The following ZNF385D variants were observed in gnomAD, a reference collection of about 807,000 sequenced individuals.
ZNF385D encodes zinc finger protein 385D, also known as zinc finger protein 659.
In ZNF385D, 15 loss-of-function variants were observed where a neutral mutation model predicts 35.8. The observed-to-expected ratio is 0.42, with a 90% CI of 0.28 to 0.64. ZNF385D has a LOEUF of 0.64. Among genes scored for constraint, ZNF385D ranks in the 30% least tolerant of loss-of-function variants. ZNF385D has a pLI of 0.23. For missense variants in ZNF385D, 474 were observed against 494.6 expected, an observed-to-expected ratio of 0.96 and a Z score of 0.39; for synonymous variants, 212 against 186.8, an observed-to-expected ratio of 1.13 and a Z score of -1.10.
At chr3:22,189,729 G>A (rs1322659892) in intron 2 of ZNF385D, among the ~76,000 whole-genome samples, 1 of 152,072 alleles carries the variant, frequency 6.6e-6, no homozygotes, top group African/African-American at 2.4e-5. Flanking sequence ...TGCCTTGTAT[G>A]TTAGGTGATA....
chr3:22,128,017 C>A (rs1703540877), intron 3 of ZNF385D, among the ~76,000 whole-genome samples: 1 of 152,126 alleles, frequency 6.6e-6, no homozygotes, highest in Admixed American at 6.6e-5. Flanking sequence ...TCATTACATC[C>A]TTTTCTTTTA....
At chr3:21,625,966 G>A (rs2065124005) in intron 2 of ZNF385D, among the ~76,000 whole-genome samples, 1 of 151,884 alleles carries the variant, frequency 6.6e-6, no homozygotes, top group Non-Finnish European at 1.5e-5. Context: ...TTTTGGTTAG[G>A]TACTCTTCAC....
At chr3:21,653,496 C>T (rs1382612642) in intron 2 of ZNF385D, among the ~76,000 whole-genome samples, 1 of 152,008 alleles carries the variant, frequency 6.6e-6, no homozygotes, top group Non-Finnish European at 1.5e-5. Context: ...TGTGCATAAA[C>T]ATATGTATAC....
intron 3 of ZNF385D, among the ~76,000 whole-genome samples, chr3:21,798,598 G>C (rs1009592609): frequency 6.6e-6 from 1 of 152,082 alleles, no homozygotes; most frequent in African/African-American, 2.4e-5. Context: ...GATTAACTCA[G>C]CGTCAACTAA....
rs146397776 is a variant in ZNF385D at position 22,132,304 on chromosome 3, C to T, written c.325+36513G>A. On this transcript the variant is annotated intron_variant, in intron 3 of 5. Coordinates refer to the ZNF385D transcript ENST00000494108. ...CACATGAAACAGTGCCATCTATGAA[C>T]TAAGAAACGGACATTCATCAGATAC... Among the ~76,000 whole-genome samples the T allele has an allele frequency of 2.2e-4, 33 of 152,272 alleles. 1 individual carries two copies. The East Asian group carries it at 6.0e-3, about 28-fold the overall frequency.
chr3:22,131,110 A>C (rs763939586), intron 3 of ZNF385D, among the ~76,000 whole-genome samples: 4 of 152,192 alleles, frequency 2.6e-5, no homozygotes, highest in Non-Finnish European at 5.9e-5. Flanking sequence ...GTTTGGATAA[A>C]ATGTATAAGA....
intron 3 of ZNF385D, among the ~76,000 whole-genome samples, chr3:22,028,467 C>T (rs906512086): frequency 9.2e-5 from 14 of 152,158 alleles, no homozygotes; most frequent in Admixed American, 6.5e-4. Flanking sequence ...CAGCAGAGAC[C>T]AACACTGAGC....
At chr3:21,466,754 C>G (rs546653669) in intron 4 of ZNF385D, among the ~76,000 whole-genome samples, 1 of 152,256 alleles carries the variant, frequency 6.6e-6, no homozygotes, top group South Asian at 2.1e-4. Context: ...TGATCTCACC[C>G]CACTACACGC....
chr3:21,702,939 G>T (rs971332490), intron 1 of ZNF385D, among the ~76,000 whole-genome samples: 7 of 152,106 alleles, frequency 4.6e-5, no homozygotes, highest in Non-Finnish European at 8.8e-5. Flanking sequence ...CAAGTCTCTA[G>T]GAAGTTCCAA....
chr3:22,273,336 CT>C (rs914712537), intron 2 of ZNF385D, among the ~76,000 whole-genome samples: 17 of 151,884 alleles, frequency 1.1e-4, no homozygotes, highest in African/African-American at 3.9e-4. Flanking sequence ...GACATTAGTC[CT>C]TTTTTTGGAA....
At chr3:22,010,049 C>G (rs990998432) in intron 3 of ZNF385D, among the ~76,000 whole-genome samples, 5 of 151,698 alleles carry the variant, frequency 3.3e-5, no homozygotes, top group Non-Finnish European at 5.9e-5. Flanking sequence ...TATCAAAATC[C>G]CACAATTAAG....
chr3:22,302,771 T>A (rs927134873), intron 2 of ZNF385D, among the ~76,000 whole-genome samples: 1 of 152,250 alleles, frequency 6.6e-6, no homozygotes, highest in Non-Finnish European at 1.5e-5. Context: ...TTAGTTTTAA[T>A]GTTACTTTGA....
chr3:22,093,407 C>T (rs1701432993), intron 3 of ZNF385D, among the ~76,000 whole-genome samples: 1 of 151,416 alleles, frequency 6.6e-6, no homozygotes, highest in South Asian at 2.1e-4. Flanking sequence ...TTAAGTAAAA[C>T]ATTAAATTTA....
chr3:22,273,975 C>T (rs1404102202), intron 2 of ZNF385D, among the ~76,000 whole-genome samples: 2 of 151,958 alleles, frequency 1.3e-5, no homozygotes, highest in Non-Finnish European at 2.9e-5. Flanking sequence ...CTGCCATTAG[C>T]AAAGTATATT....
chr3:21,865,130 T>C (rs1697277869), intron 3 of ZNF385D, among the ~76,000 whole-genome samples: 1 of 148,400 alleles, frequency 6.7e-6, no homozygotes, highest in African/African-American at 2.5e-5. Flanking sequence ...TATAATTTGG[T>C]TGTTTTTCTT....
At chr3:21,947,702 C>G (rs919856263) in intron 3 of ZNF385D, among the ~76,000 whole-genome samples, 2 of 151,980 alleles carry the variant, frequency 1.3e-5, no homozygotes, top group Non-Finnish European at 2.9e-5. Context: ...CGTGTAATAT[C>G]TCTATATGTA....
chr3:21,609,237 A>T (rs1421056805), intron 2 of ZNF385D, among the ~76,000 whole-genome samples: 1 of 152,152 alleles, frequency 6.6e-6, no homozygotes, highest in East Asian at 1.9e-4. Flanking sequence ...CATCAGTCTC[A>T]TTAACACACA....
intron 2 of ZNF385D, among the ~76,000 whole-genome samples, chr3:22,307,649 T>A (rs1315378157): frequency 6.6e-6 from 1 of 152,012 alleles, no homozygotes; most frequent in Non-Finnish European, 1.5e-5. Context: ...TATGCCTGTG[T>A]GTTGACCTAG....
At chr3:21,789,246 C>T (rs1169617381) in intron 3 of ZNF385D, among the ~76,000 whole-genome samples, 3 of 152,058 alleles carry the variant, frequency 2.0e-5, no homozygotes, top group Non-Finnish European at 4.4e-5. Context: ...GTATGTGTGG[C>T]ATTCTAATTT....
Sources: gnomAD v4.1 joint callset for allele counts (sites outside exome capture counted in the v4.1 genomes callset) on GRCh38, gnomAD v4.1.1 for gene constraint, MANE v1.5 for transcripts, NCBI Gene and HGNC (gene_info 2026-07-23, HGNC 2026-07-21) for gene names.